NCOA2: variants seen among roughly 807,000 people sequenced by gnomAD.
NCOA2 encodes the protein class E basic helix-loop-helix protein 75.
A neutral mutation model predicts 145.1 loss-of-function variants in NCOA2; 21 were observed. The ratio of observed to expected loss-of-function variants is 0.14; its 90% confidence interval spans 0.10 to 0.21. The LOEUF is 0.21. Among genes scored for constraint, NCOA2 ranks in the 10% least tolerant of loss-of-function variants. The pLI is 1.00. For missense variants in NCOA2, 1,472 were observed against 1,837.6 expected (o/e 0.80, Z 3.64); for synonymous variants, 619 against 637.5 (o/e 0.97, Z 0.44).
At chr8:70,205,718 G>A (rs531497121) in intron 4 of NCOA2, among the ~76,000 whole-genome samples, 4 of 152,246 alleles carry the variant, frequency 2.6e-5, no homozygotes, top group African/African-American at 9.6e-5. Context: ...GGAGGTTGTC[G>A]GTTGGAGCAA....
rs187213917 is a variant in NCOA2, at chr8:70,363,147, G to A, written c.-77+40553C>T. Among the ~76,000 whole-genome samples, 265 of 148,904 alleles carry A rather than the reference G, an allele frequency of 1.8e-3. 2 individuals carry two copies. The highest frequency in any genetic ancestry group is 0.014 in the Admixed American group (211 of 14,928). ...ACCTGTAATCCCAGCACTTTGGGAC[G>A]CCAAGGTGGGTGGATCACGAGGTCA... On this transcript the variant is annotated intron_variant, in intron 1 of 22. Coordinates refer to ENST00000452400, the MANE Select transcript of NCOA2 (RefSeq NM_006540.4).
At chr8:70,404,081 C>T (rs76929997), upstream of NCOA2, among the ~76,000 whole-genome samples, 14,332 of 152,258 alleles carry the variant, frequency 0.094, 945 homozygotes, top group Middle Eastern at 0.19. Flanking sequence ...CGGGGAGCAG[C>T]CCCTGGCCGC....
At chr8:70,312,499 T>C (rs1805215798) in intron 1 of NCOA2, among the ~76,000 whole-genome samples, 1 of 152,232 alleles carries the variant, frequency 6.6e-6, no homozygotes, top group Non-Finnish European at 1.5e-5. Context: ...ACAAATTTGC[T>C]GACTGATATA....
At chr8:70,163,368 T>C in intron 8 of NCOA2, 97 bp downstream of exon 8, 1 of 831,710 alleles carries the variant, frequency 1.2e-6, no homozygotes, top group Non-Finnish European at 1.9e-6. Flanking sequence ...TTGCTAGTAC[T>C]AGCATCCTTA....
intron 1 of NCOA2, among the ~76,000 whole-genome samples, chr8:70,339,059 T>C (rs1477668754): frequency 6.6e-6 from 1 of 152,100 alleles, no homozygotes; most frequent in Admixed American, 6.6e-5. Context: ...ATTTCTATTA[T>C]GCATAGTACT....
intron 2 of NCOA2, among the ~76,000 whole-genome samples, chr8:70,234,552 T>C (rs1821432568): frequency 6.6e-6 from 1 of 152,224 alleles, no homozygotes. Flanking sequence ...TTTTAAGTTA[T>C]AGCCATCCTA....
At chr8:70,448,932 G>A in the NCOA2 span, among the ~76,000 whole-genome samples, 3 of 151,876 alleles carry the variant, frequency 2.0e-5, no homozygotes, top group Non-Finnish European at 2.9e-5. Context: ...AGTCTCCTGA[G>A]CAGCTGAGAC....
At chr8:70,291,324 A>G (rs1309054902) in intron 2 of NCOA2, among the ~76,000 whole-genome samples, 1 of 152,172 alleles carries the variant, frequency 6.6e-6, no homozygotes, top group East Asian at 1.9e-4. Context: ...TGCTAACTCA[A>G]AAGATTTACA....
intron 13 of NCOA2, among the ~76,000 whole-genome samples, chr8:70,141,723 T>C (rs1190166326): frequency 6.6e-6 from 1 of 152,198 alleles, no homozygotes; most frequent in Non-Finnish European, 1.5e-5. Flanking sequence ...CATTAGCTGA[T>C]ATACACGTCA....
At chr8:70,241,510 A>G (rs1170162900) in intron 2 of NCOA2, among the ~76,000 whole-genome samples, 2 of 152,200 alleles carry the variant, frequency 1.3e-5, no homozygotes, top group African/African-American at 4.8e-5. Context: ...GAAGTTCACT[A>G]AAGTACAAAC....
intron 18 of NCOA2, among the ~76,000 whole-genome samples, chr8:70,127,919 G>A (rs940212103): frequency 6.6e-6 from 1 of 152,170 alleles, no homozygotes; most frequent in Admixed American, 6.5e-5. Flanking sequence ...TCCTGTTGGT[G>A]ATTTTGCTGC....
chr8:70,419,067 T>C, the NCOA2 span, among the ~76,000 whole-genome samples: 1 of 151,876 alleles, frequency 6.6e-6, no homozygotes, highest in African/African-American at 2.4e-5. Context: ...AATTTCAAGA[T>C]TTTTTATAGT....
intron 16 of NCOA2, among the ~76,000 whole-genome samples, 195 bp from the exon 17 acceptor site, chr8:70,129,175 T>TTACA (rs1406887315): frequency 2.6e-5 from 4 of 152,130 alleles, no homozygotes; most frequent in Non-Finnish European, 4.4e-5. Flanking sequence ...ACAGCTCTGG[T>TTACA]TACACAAGGA....
rs1014678864 is a variant in NCOA2 at position 70,205,206 on chromosome 8, GA to G, written c.259+8696del. On this transcript the variant is annotated intron_variant, in intron 4 of 22. Transcript: ENST00000452400. ...GTTTGGAGATTAGAAAGTGTTTTGT[GA>G]AAAAAAAAGCAGTGTTTGAGATAGG... Among the ~76,000 whole-genome samples, 219 of 150,652 alleles carry G rather than the reference GA, an allele frequency of 1.5e-3. 1 individual carries two copies. The highest frequency in any genetic ancestry group is 5.1e-3 in the African/African-American group (210 of 41,124).
Position 70,267,671 on chromosome 8 carries a change from G to A in NCOA2, c.-20+29073C>T, listed in dbSNP as rs559391518. On this transcript the variant is annotated intron_variant, in intron 2 of 22. Transcript: ENST00000452400. Reference sequence around the variant, plus strand: ...GCTAGGTGATGGAAATGCTGTCTTTGACTAGTAAGTGAAAGAAAGGAATAC... The same window carrying A: ...GCTAGGTGATGGAAATGCTGTCTTTAACTAGTAAGTGAAAGAAAGGAATAC... 4.6e-5 allele frequency among the ~76,000 whole-genome samples: 7 copies of A among 152,016 alleles called. No homozygotes were observed. The South Asian group carries it at 1.5e-3, about 32-fold the overall frequency.
chr8:70,251,204 T>C (rs1445859002), intron 2 of NCOA2, among the ~76,000 whole-genome samples: 1 of 152,174 alleles, frequency 6.6e-6, no homozygotes, highest in Non-Finnish European at 1.5e-5. Context: ...CCAACTGTGC[T>C]AAGCTAGCAG....
chr8:70,130,867 G>T (rs887811869), intron 16 of NCOA2, among the ~76,000 whole-genome samples: 12 of 152,146 alleles, frequency 7.9e-5, no homozygotes, highest in Admixed American at 1.3e-4. Flanking sequence ...TCTTTACACA[G>T]TAAGCCAGGC....
intron 13 of NCOA2, among the ~76,000 whole-genome samples, chr8:70,142,516 T>C (rs551488399): frequency 2.3e-4 from 35 of 152,140 alleles, no homozygotes; most frequent in Middle Eastern, 3.4e-3. Flanking sequence ...CTGGGCAACA[T>C]GGGGAAGCCT....
chr8:70,356,959 TAG>T (rs374230645), intron 1 of NCOA2, among the ~76,000 whole-genome samples: 1 of 152,186 alleles, frequency 6.6e-6, no homozygotes, highest in African/African-American at 2.4e-5. Context: ...TGTTTCCTGT[TAG>T]AGTTATTATA....
Sources: allele counts gnomAD v4.1 joint callset (sites outside exome capture counted in the v4.1 genomes callset), GRCh38; gene constraint gnomAD v4.1.1; transcripts MANE v1.5; gene names NCBI Gene and HGNC (gene_info 2026-07-23, HGNC 2026-07-21).